SULF1: variants seen among roughly 807,000 people sequenced by gnomAD.
SULF1 encodes sulfatase 1, also known as extracellular sulfatase Sulf-1.
Under a neutral mutation model 110.5 loss-of-function variants are expected in SULF1, and 46 were observed. That is an observed-to-expected ratio of 0.42 (90% CI 0.33 to 0.53). The LOEUF is 0.53. Ranked by LOEUF, SULF1 falls within the 20% of genes least tolerant of loss-of-function variation. The pLI, the probability that SULF1 is intolerant of heterozygous loss-of-function variation, is 0.12. For synonymous variants in SULF1, 371 were observed against 387.1 expected, an observed-to-expected ratio of 0.96 and a Z score of 0.49; for missense variants, 941 against 1,094.2, an observed-to-expected ratio of 0.86 and a Z score of 1.98.
chr8:69,552,785 A>C (rs1055842442), intron 3 of SULF1, among the ~76,000 whole-genome samples: 4 of 152,266 alleles, frequency 2.6e-5, no homozygotes, highest in Non-Finnish European at 4.4e-5. Context: ...AGATAGAAAC[A>C]ATCTTGAATT....
chr8:69,629,354 CTATTT>C (rs1810343461), intron 18 of SULF1, 145 bp from the exon 19 acceptor site: 2 of 760,572 alleles, frequency 2.6e-6, no homozygotes, highest in Admixed American at 3.4e-5. Context: ...ATTCCTGATT[CTATTT>C]TAAGTCCCTC....
At chr8:69,483,915 C>A (rs1750038900) in intron 1 of SULF1, among the ~76,000 whole-genome samples, 1 of 152,122 alleles carries the variant, frequency 6.6e-6, no homozygotes. Flanking sequence ...ACATGCTTAC[C>A]ATGTACAAGT....
chr8:69,495,191 C>T (rs543700010), intron 1 of SULF1, among the ~76,000 whole-genome samples: 32 of 152,124 alleles, frequency 2.1e-4, no homozygotes, highest in African/African-American at 6.3e-4. Flanking sequence ...TAGACTGCAA[C>T]GCTGAGTAAA....
intron 6 of SULF1, among the ~76,000 whole-genome samples, chr8:69,578,091 C>T (rs1202896299): frequency 1.3e-5 from 2 of 151,952 alleles, no homozygotes; most frequent in Non-Finnish European, 2.9e-5. Context: ...ATGTTAAGAG[C>T]AAAAATGGAA....
At chr8:69,488,008 A>G (rs1408726609), upstream of SULF1, among the ~76,000 whole-genome samples, 1 of 152,202 alleles carries the variant, frequency 6.6e-6, no homozygotes. Context: ...AAGAATGACA[A>G]CTATTTAATA....
chr8:69,568,159 C>T (rs1804935565), intron 5 of SULF1, among the ~76,000 whole-genome samples: 1 of 152,164 alleles, frequency 6.6e-6, no homozygotes, highest in Admixed American at 6.5e-5. Context: ...AACCTTTTTG[C>T]ACCTGTAATG....
At chr8:69,599,979 G>A (rs1807660776) in intron 8 of SULF1, among the ~76,000 whole-genome samples, 1 of 152,130 alleles carries the variant, frequency 6.6e-6, no homozygotes, top group Non-Finnish European at 1.5e-5. Flanking sequence ...ATATTGATTT[G>A]TTTATTAAAC....
At chr8:69,476,613 C>T (rs1586191720) in intron 1 of SULF1, among the ~76,000 whole-genome samples, 2 of 152,310 alleles carry the variant, frequency 1.3e-5, no homozygotes, top group East Asian at 3.9e-4. Flanking sequence ...ACTTGGGTCC[C>T]ATTCAAGTTT....
chr8:69,589,327 C>G (rs139795822), intron 8 of SULF1, among the ~76,000 whole-genome samples, 186 bp downstream of exon 8: 29 of 152,178 alleles, frequency 1.9e-4, no homozygotes, highest in African/African-American at 5.3e-4. Context: ...AGCGCCTTAT[C>G]TGGGTGGTTT....
chr8:69,502,103 C>G (rs1810839205), intron 3 of SULF1, 135 bp downstream of exon 3: 1 of 152,224 alleles, frequency 6.6e-6, no homozygotes, highest in African/African-American at 2.4e-5. Flanking sequence ...GGTCCTCTAC[C>G]TTCCCATCAC....
intron 7 of SULF1, among the ~76,000 whole-genome samples, chr8:69,588,756 G>A (rs565016013): frequency 1.1e-4 from 17 of 151,458 alleles, no homozygotes; most frequent in Non-Finnish European, 1.9e-4. Flanking sequence ...TCCATTTTTC[G>A]TATGTTACCA....
At chr8:69,570,632 G>C (rs1347804788) in intron 5 of SULF1, among the ~76,000 whole-genome samples, 3 of 152,178 alleles carry the variant, frequency 2.0e-5, no homozygotes, top group Non-Finnish European at 4.4e-5. Flanking sequence ...CTATGGTTCT[G>C]TCTAGCCACA....
chr8:69,644,124 C>A (rs1811697923), intron 22 of SULF1, among the ~76,000 whole-genome samples: 1 of 152,222 alleles, frequency 6.6e-6, no homozygotes, highest in South Asian at 2.1e-4. Flanking sequence ...CACGCTGTAA[C>A]CACATTGCTT....
chr8:69,474,661 C>A (rs1490607183), intron 1 of SULF1, among the ~76,000 whole-genome samples: 1 of 151,958 alleles, frequency 6.6e-6, no homozygotes, highest in African/African-American at 2.4e-5. Flanking sequence ...ACTTGGGATG[C>A]CTAGAGGCTT....
intron 19 of SULF1, among the ~76,000 whole-genome samples, chr8:69,630,316 C>G (rs930384508): frequency 1.3e-5 from 2 of 152,180 alleles, no homozygotes; most frequent in African/African-American, 4.8e-5. Flanking sequence ...AAGTAATACC[C>G]CACATTCTTA....
chr8:69,636,809 C>T (rs1811068936), intron 19 of SULF1, among the ~76,000 whole-genome samples: 1 of 152,174 alleles, frequency 6.6e-6, no homozygotes, highest in Non-Finnish European at 1.5e-5. Flanking sequence ...ATGCCGGCTG[C>T]AGACATTGCA....
intron 3 of SULF1, among the ~76,000 whole-genome samples, chr8:69,555,739 C>T (rs1815070574): frequency 6.6e-6 from 1 of 152,010 alleles, no homozygotes; most frequent in African/African-American, 2.4e-5. Flanking sequence ...TTCCTACATA[C>T]GACTGTGAGA....
At chr8:69,508,760 C>A (rs1193487287) in intron 3 of SULF1, among the ~76,000 whole-genome samples, 3 of 152,032 alleles carry the variant, frequency 2.0e-5, no homozygotes, top group Non-Finnish European at 4.4e-5. Context: ...TATAAATACC[C>A]CAGGAGATTA....
intron 22 of SULF1, among the ~76,000 whole-genome samples, chr8:69,646,598 C>T (rs1191298362): frequency 4.6e-5 from 7 of 151,816 alleles, no homozygotes; most frequent in Admixed American, 3.9e-4. Flanking sequence ...AGCTTATTAT[C>T]CCCATTTTAC....
Sources: allele counts gnomAD v4.1 joint callset (sites outside exome capture counted in the v4.1 genomes callset), GRCh38; gene constraint gnomAD v4.1.1; transcripts MANE v1.5; gene names NCBI Gene and HGNC (gene_info 2026-07-23, HGNC 2026-07-21).